Variants in TBC1D22A observed in about 807,000 individuals in gnomAD.
TBC1D22A encodes TBC1 domain family member 22A.
TBC1D22A carries 38 observed loss-of-function variants against 60.2 expected under a neutral mutation model. The observed-to-expected ratio is 0.63, with a 90% CI of 0.49 to 0.83. The LOEUF (loss-of-function observed/expected upper bound fraction) is 0.83, where lower values mean the gene tolerates loss of function less well. TBC1D22A is among the 40% of genes least tolerant of loss of function. TBC1D22A has a pLI of 0.00. For missense variants in TBC1D22A, 628 were observed against 701.0 expected, an observed-to-expected ratio of 0.90 and a Z score of 1.18; for synonymous variants, 302 against 281.7, an observed-to-expected ratio of 1.07 and a Z score of -0.72.
At chr22:46,888,337 G>A (rs1169275957) in intron 5 of TBC1D22A, among the ~76,000 whole-genome samples, 1 of 152,224 alleles carries the variant, frequency 6.6e-6, no homozygotes, top group Admixed American at 6.5e-5. Flanking sequence ...GGCTCTGTTC[G>A]AGCAAGGATG....
At chr22:46,977,178 C>T (rs2074332456) in intron 9 of TBC1D22A, among the ~76,000 whole-genome samples, 1 of 152,130 alleles carries the variant, frequency 6.6e-6, no homozygotes, top group Admixed American at 6.5e-5. Flanking sequence ...AGAAGTGAGT[C>T]CCATTTGCAG....
chr22:46,781,188 A>T, intron 1 of TBC1D22A, among the ~76,000 whole-genome samples: 1 of 143,370 alleles, frequency 7.0e-6, no homozygotes, highest in African/African-American at 2.6e-5. Context: ...GCTGGAGTGC[A>T]GTTGCTGGTG....
intron 10 of TBC1D22A, among the ~76,000 whole-genome samples, chr22:47,003,418 T>TACCCTACGCACACATGCCTGTACACACGC (rs1569324050): frequency 3.3e-4 from 34 of 103,692 alleles, no homozygotes; most frequent in African/African-American, 1.1e-3. Context: ...TGTACACACA[T>TACCCTACGCACACATGCCTGTACACACGC]ACCCTACGCA....
intron 4 of TBC1D22A, among the ~76,000 whole-genome samples, chr22:46,847,918 GGTGTGTGTGTGTGTGT>G (rs58012028): frequency 6.0e-5 from 8 of 134,138 alleles, no homozygotes; most frequent in African/African-American, 1.6e-4. Flanking sequence ...TACCCTAGTG[GGTGTGTGTGTGTGTGT>G]GTGTGTGTGT....
chr22:47,101,765 C>T (rs1346378361), intron 11 of TBC1D22A, among the ~76,000 whole-genome samples: 2 of 152,148 alleles, frequency 1.3e-5, no homozygotes, highest in Non-Finnish European at 2.9e-5. Context: ...CCTCATATGC[C>T]TTGAGGGGAA....
chr22:46,776,296 C>T (rs541693858), intron 1 of TBC1D22A, among the ~76,000 whole-genome samples: 8 of 152,152 alleles, frequency 5.3e-5, no homozygotes, highest in African/African-American at 1.7e-4. Context: ...CCTGGCGGGT[C>T]GCTGGCTACC....
intron 11 of TBC1D22A, among the ~76,000 whole-genome samples, chr22:47,053,134 C>G (rs372412223): frequency 9.2e-5 from 14 of 152,180 alleles, no homozygotes; most frequent in East Asian, 3.9e-4. Flanking sequence ...TGCCCACCAC[C>G]AGCCCAGGGC....
chr22:46,942,607 C>A (rs141661733), intron 8 of TBC1D22A, among the ~76,000 whole-genome samples: 6 of 152,276 alleles, frequency 3.9e-5, no homozygotes, highest in Admixed American at 1.3e-4. Flanking sequence ...GTAATTTATA[C>A]AGCACATGTC....
intron 10 of TBC1D22A, among the ~76,000 whole-genome samples, chr22:47,000,487 A>G (rs2075274750): frequency 6.6e-6 from 1 of 152,226 alleles, no homozygotes; most frequent in Non-Finnish European, 1.5e-5. Flanking sequence ...CCGTGGAGAC[A>G]CGAAGGTGCT....
rs958971819 is a variant in TBC1D22A, at chr22:46,777,009, A to G, written c.62+14161A>G. Among the ~76,000 whole-genome samples the G allele has an allele frequency of 1.3e-5, 2 of 152,132 alleles. No homozygotes were observed. Among genetic ancestry groups the G allele is most frequent in the African/African-American group, 4.8e-5 (2 of 41,418 alleles). On this transcript the variant is annotated intron_variant, in intron 1 of 12. Coordinates refer to ENST00000337137, the MANE Select transcript of TBC1D22A (RefSeq NM_014346.5). The surrounding 1 kb of genome is among the most constrained non-coding windows in gnomAD (Gnocchi z 4.5). ...CCGGTGCAACTGTCATGTTCTTCTC[A>G]GGAGCAGGGGATGGGTCAGGGCCAG...
At chr22:46,785,094 A>G (rs942940689) in intron 1 of TBC1D22A, among the ~76,000 whole-genome samples, 1 of 152,208 alleles carries the variant, frequency 6.6e-6, no homozygotes, top group East Asian at 1.9e-4. Context: ...GGCATAGAGC[A>G]AGCATTTGAT....
In TBC1D22A at chr22:47,103,763, C is replaced by G. The variant is rs575552610; in HGVS notation, c.1330-7745C>G. Among the ~76,000 whole-genome samples the G allele has an allele frequency of 4.1e-4, 62 of 151,342 alleles. No homozygotes were observed. In the South Asian group the frequency reaches 8.9e-3, roughly 22 times the overall value. ...GTTTTAATGGGTATTGAGGACTAAG[C>G]TCTGATTTTTTTTTATCTTGCCCAA... On this transcript the variant is annotated intron_variant, in intron 11 of 12. Coordinates refer to ENST00000337137, the MANE Select transcript of TBC1D22A (RefSeq NM_014346.5).
At chr22:46,831,501 A>C (rs1355380860) in intron 4 of TBC1D22A, among the ~76,000 whole-genome samples, 1 of 152,162 alleles carries the variant, frequency 6.6e-6, no homozygotes, top group Non-Finnish European at 1.5e-5. Flanking sequence ...GTTCAAGATC[A>C]TATCTAGTAT....
chr22:46,890,826 A>ATG (rs143700640), intron 5 of TBC1D22A, among the ~76,000 whole-genome samples: 8 of 151,686 alleles, frequency 5.3e-5, no homozygotes, highest in Non-Finnish European at 7.4e-5. Context: ...ATGCGTGTAT[A>ATG]TGTGTGTGTG....
At chr22:47,165,571 A>G (rs148151878) in intron 12 of TBC1D22A, among the ~76,000 whole-genome samples, 2,143 of 152,166 alleles carry the variant, frequency 0.014, 49 homozygotes, top group African/African-American at 0.049. Flanking sequence ...CGCCCGCCCC[A>G]CTGCCCCCGA....
chr22:47,084,848 C>T (rs1401942875), intron 11 of TBC1D22A, among the ~76,000 whole-genome samples: 1 of 152,158 alleles, frequency 6.6e-6, no homozygotes, highest in Non-Finnish European at 1.5e-5. Context: ...CAGTGTTTAC[C>T]TTGAAAGGAT....
At chr22:47,060,061 G>A (rs981620650) in intron 11 of TBC1D22A, among the ~76,000 whole-genome samples, 3 of 152,032 alleles carry the variant, frequency 2.0e-5, no homozygotes, top group Non-Finnish European at 4.4e-5. Flanking sequence ...CTGGAGAAAA[G>A]GCCTCATTTG....
chr22:46,792,269 C>G (rs1375604810), intron 1 of TBC1D22A, among the ~76,000 whole-genome samples: 1 of 152,064 alleles, frequency 6.6e-6, no homozygotes, highest in Non-Finnish European at 1.5e-5. Context: ...GGGCTGAGGT[C>G]CATTCTCAGG....
At chr22:46,937,256 C>T (rs1477668780) in intron 8 of TBC1D22A, among the ~76,000 whole-genome samples, 2 of 152,200 alleles carry the variant, frequency 1.3e-5, no homozygotes, top group African/African-American at 4.8e-5. Context: ...CCTGCAGTTA[C>T]CACATGGACC....
Sources: gnomAD v4.1 joint callset for allele counts (sites outside exome capture counted in the v4.1 genomes callset) on GRCh38, gnomAD v4.1.1 for gene constraint, Gnocchi (gnomAD v3.1) non-coding constraint, MANE v1.5 for transcripts, NCBI Gene and HGNC (gene_info 2026-07-23, HGNC 2026-07-21) for gene names.